The following TENM2 variants were observed in gnomAD, a reference collection of about 807,000 sequenced individuals.
TENM2 encodes the protein teneurin-2.
TENM2 carries 52 observed loss-of-function variants against 245.2 expected under a neutral mutation model. The ratio of observed to expected loss-of-function variants is 0.21; its 90% CI spans 0.17 to 0.27. The LOEUF is 0.27. TENM2 is among the 10% of genes least tolerant of loss of function. The probability of loss-of-function intolerance (pLI) is 1.00; values close to 1 mark genes in which losing one functional copy is unlikely to be tolerated. For missense variants in TENM2, 3,046 were observed against 3,666.8 expected (o/e 0.83, Z 4.37); for synonymous variants, 1,363 against 1,438.9 (o/e 0.95, Z 1.19).
intron 15 of TENM2, among the ~76,000 whole-genome samples, chr5:168,197,424 G>C (rs1273254577): frequency 6.6e-6 from 1 of 152,196 alleles, no homozygotes; most frequent in Non-Finnish European, 1.5e-5. Flanking sequence ...TCTAAGGCCA[G>C]GTGCAGTGGC....
chr5:167,322,792 T>G (rs1756848493), intron 1 of TENM2, among the ~76,000 whole-genome samples: 1 of 152,256 alleles, frequency 6.6e-6, no homozygotes. Flanking sequence ...GTAGGTCATC[T>G]GCCACTGACT....
At chr5:167,817,289 A>G (rs1010569937) in intron 2 of TENM2, among the ~76,000 whole-genome samples, 2 of 152,174 alleles carry the variant, frequency 1.3e-5, no homozygotes, top group African/African-American at 4.8e-5. Flanking sequence ...GCCTTTGTTT[A>G]TGTAAGCAAG....
intron 2 of TENM2, among the ~76,000 whole-genome samples, chr5:167,399,108 A>G (rs562760231): frequency 6.6e-6 from 1 of 152,304 alleles, no homozygotes; most frequent in Non-Finnish European, 1.5e-5. Flanking sequence ...AACCTGTCAC[A>G]AGCGGGAGTT....
At chr5:168,206,589 G>A (rs559029904) in intron 19 of TENM2, among the ~76,000 whole-genome samples, 45 of 152,328 alleles carry the variant, frequency 3.0e-4, no homozygotes, top group South Asian at 4.1e-4. Context: ...AAGGACACAC[G>A]TGGGAAGAGG....
Position 167,402,753 on chromosome 5 carries a change from A to G in TENM2, c.502+27280A>G, listed in dbSNP as rs80087552. ...TATTTTTAATGTCTTTTATTCTCCT[A>G]TAGAAGGGATTTTCAAACGAAAACT... is the stretch of plus-strand genomic sequence containing the variant. On this transcript the variant is annotated intron_variant, in intron 2 of 28. Transcript: ENST00000518659. 7.4e-3 allele frequency among the ~76,000 whole-genome samples: 1,121 copies of G among 152,188 alleles called. 27 individuals are homozygous for G. The highest frequency in any genetic ancestry group is 0.052 in the Admixed American group (791 of 15,274).
intron 1 of TENM2, among the ~76,000 whole-genome samples, chr5:167,315,480 A>G (rs1265823391): frequency 6.6e-6 from 1 of 152,164 alleles, no homozygotes; most frequent in African/African-American, 2.4e-5. Flanking sequence ...CTTTTAGCAG[A>G]TTTTGGAGGT....
chr5:168,222,212 C>T (rs1240923846), intron 23 of TENM2, among the ~76,000 whole-genome samples: 1 of 152,176 alleles, frequency 6.6e-6, no homozygotes, highest in Non-Finnish European at 1.5e-5. Flanking sequence ...TTTTTAATAC[C>T]TCACTTTGCA....
chr5:167,154,633 T>C, the TENM2 span, among the ~76,000 whole-genome samples: 1 of 152,178 alleles, frequency 6.6e-6, no homozygotes, highest in Non-Finnish European at 1.5e-5. Flanking sequence ...TTTCCATAGG[T>C]TTAAAATGCC....
At chr5:167,459,001 A>T (rs535015908) in intron 2 of TENM2, among the ~76,000 whole-genome samples, 1 of 152,338 alleles carries the variant, frequency 6.6e-6, no homozygotes, top group South Asian at 2.1e-4. Flanking sequence ...AAAACACATA[A>T]CATAAAATCT....
At chr5:167,918,098 G>GA (rs994197402) in intron 3 of TENM2, among the ~76,000 whole-genome samples, 5 of 152,124 alleles carry the variant, frequency 3.3e-5, no homozygotes, top group African/African-American at 7.2e-5. Flanking sequence ...ACAACAGTGA[G>GA]AAAAAAACAC....
intron 17 of TENM2, among the ~76,000 whole-genome samples, chr5:168,202,895 TC>T (rs761321287): frequency 3.3e-5 from 5 of 152,180 alleles, no homozygotes; most frequent in Non-Finnish European, 5.9e-5. Context: ...ATGTATGGCA[TC>T]TCAGCACTTC....
intron 1 of TENM2, among the ~76,000 whole-genome samples, chr5:167,289,919 C>T (rs1754537355): frequency 6.6e-6 from 1 of 152,118 alleles, no homozygotes; most frequent in Non-Finnish European, 1.5e-5. Flanking sequence ...CTTTAATTTA[C>T]CTACAAAGAA....
the TENM2 span, among the ~76,000 whole-genome samples, chr5:166,983,580 T>A: frequency 6.6e-6 from 1 of 152,150 alleles, no homozygotes; most frequent in Non-Finnish European, 1.5e-5. Flanking sequence ...AGAATCTATA[T>A]TCCCCATAAA....
intron 2 of TENM2, among the ~76,000 whole-genome samples, chr5:167,499,380 A>T (rs1282680808): frequency 1.3e-5 from 2 of 152,188 alleles, no homozygotes; most frequent in Non-Finnish European, 2.9e-5. Context: ...AAAAATGGGC[A>T]TGGGGAATGT....
intron 12 of TENM2, among the ~76,000 whole-genome samples, chr5:168,132,123 A>G (rs1055298668): frequency 6.6e-6 from 1 of 151,984 alleles, no homozygotes; most frequent in Non-Finnish European, 1.5e-5. Flanking sequence ...TGGGTCAGAC[A>G]GTCTGCCAGA....
intron 5 of TENM2, among the ~76,000 whole-genome samples, chr5:168,017,506 G>A (rs1477221051): frequency 6.6e-6 from 1 of 152,200 alleles, no homozygotes; most frequent in Non-Finnish European, 1.5e-5. Flanking sequence ...TGTTTGTGTG[G>A]TGAACTTTCC....
intron 2 of TENM2, among the ~76,000 whole-genome samples, chr5:167,681,439 C>A (rs993206884): frequency 4.6e-5 from 7 of 152,020 alleles, no homozygotes; most frequent in African/African-American, 1.5e-4. Context: ...TTATGTTATA[C>A]CTATTTTATG....
chr5:167,600,867 A>T (rs1310762503), intron 2 of TENM2, among the ~76,000 whole-genome samples: 1 of 152,218 alleles, frequency 6.6e-6, no homozygotes, highest in East Asian at 1.9e-4. Flanking sequence ...GAAAATAGAC[A>T]TTTATCTTTA....
At chr5:167,445,369 A>AGAGAGAGAGAGAGAGAGAGAGTGAGT (rs35699708) in intron 2 of TENM2, among the ~76,000 whole-genome samples, 17 of 98,578 alleles carry the variant, frequency 1.7e-4, no homozygotes, top group African/African-American at 7.6e-4. Context: ...AGAGAGAGAG[A>AGAGAGAGAGAGAGAGAGAGAGTGAGT]GTGTCAGGTG....
Sources: gnomAD v4.1 joint callset for allele counts (sites outside exome capture counted in the v4.1 genomes callset) on GRCh38, gnomAD v4.1.1 for gene constraint, MANE v1.5 for transcripts, NCBI Gene and HGNC (gene_info 2026-07-23, HGNC 2026-07-21) for gene names.